STYX: variants seen among roughly 807,000 people sequenced by gnomAD.
STYX encodes the protein serine/threonine/tyrosine-interacting protein.
Under a neutral mutation model 42.7 loss-of-function variants are expected in STYX, and 20 were observed. The ratio of observed to expected loss-of-function variants is 0.47; its 90% confidence interval spans 0.33 to 0.68. STYX has a LOEUF of 0.68. Ranked by LOEUF, STYX falls within the 30% of genes least tolerant of loss-of-function variation. The pLI is 0.02. For synonymous variants in STYX, 78 were observed against 81.9 expected, an observed-to-expected ratio of 0.95 and a Z score of 0.26; for missense variants, 226 against 268.5, an observed-to-expected ratio of 0.84 and a Z score of 1.11.
In STYX at chr14:52,745,970, A is replaced by G. The variant is rs1339661061; in HGVS notation, c.91-456A>G. Reference sequence around the variant, plus strand: ...AACTATAAAGTTACTGTTAGTATCTAGGGTATGATATATCCAGACTGAAAG... The same window carrying G: ...AACTATAAAGTTACTGTTAGTATCTGGGGTATGATATATCCAGACTGAAAG... On this transcript the variant is annotated intron_variant, in intron 2 of 10. Coordinates refer to ENST00000354586, the MANE Select transcript of STYX (RefSeq NM_145251.4). Among the ~76,000 whole-genome samples the G allele has an allele frequency of 2.0e-5, 3 of 152,354 alleles. No individual in the cohort carries two copies. The East Asian group carries it at 5.8e-4, about 29-fold the overall frequency.
rs113230569 is a variant in STYX at position 52,762,110 on chromosome 14, C to T, written c.504+2356C>T. 6.5e-3 allele frequency among the ~76,000 whole-genome samples: 984 copies of T among 151,810 alleles called. 6 individuals are homozygous for T. Among genetic ancestry groups the T allele is most frequent in the African/African-American group, 0.022 (931 of 41,430 alleles). ...GCCCAGGATGGTCTTGAACTCCTGA[C>T]CTCAGGTGATCCACCCACCTTGGCC... On this transcript the variant is annotated intron_variant, in intron 9 of 10. Transcript: ENST00000354586.
intron 9 of STYX, among the ~76,000 whole-genome samples, chr14:52,762,891 T>C (rs1342038175): frequency 1.5e-5 from 2 of 130,890 alleles, no homozygotes; most frequent in South Asian, 2.6e-4. Context: ...TCTTTTTTTT[T>C]TTTTTTTTTT....
In STYX at chr14:52,757,364, C is replaced by T. The variant is rs745704762; in HGVS notation, c.340+9C>T. 1.9e-6 allele frequency: 3 copies of T among 1,598,012 alleles called. No individual in the cohort carries two copies. In the South Asian group the frequency reaches 3.4e-5, roughly 18 times the overall value. On this transcript the variant is annotated intron_variant, in intron 6 of 10. Coordinates refer to ENST00000354586, the MANE Select transcript of STYX (RefSeq NM_145251.4). ...GAGCTTACAAATGGGAGGTAAATAACATTTCCTTTCCTTAACTAATGTTTA... is the reference window on the plus strand; with the variant it reads ...GAGCTTACAAATGGGAGGTAAATAATATTTCCTTTCCTTAACTAATGTTTA...
intron 4 of STYX, among the ~76,000 whole-genome samples, chr14:52,754,191 A>AT (rs1566675782): frequency 6.6e-6 from 1 of 151,662 alleles, no homozygotes. Context: ...CCCGGCCTGA[A>AT]TTTTTTATAA....
chr14:52,739,992 A>T (rs1228830336), intron 1 of STYX, among the ~76,000 whole-genome samples: 1 of 152,026 alleles, frequency 6.6e-6, no homozygotes, highest in Non-Finnish European at 1.5e-5. Context: ...AAGTTAAAGA[A>T]TCTAGGCTGG....
At position 52,768,930 on chromosome 14, in the gene STYX, A is replaced by G; in HGVS notation, c.595A>G (p.Thr199Ala). ...ERSLSVHSGT[T>A]GSLKRTHEEE... ...GTCATTATCTGTTCATTCTGGTACC[A>G]CAGGTAAGGATTTTTTTCTTTTTGG... The change falls in exon 10 of 11, where the codon ACA (threonine) becomes GCA (alanine). Residue 199 changes from threonine (T) to alanine (A), a missense_variant. Transcript: ENST00000354586. 6.4e-7 allele frequency: 1 copy of G among 1,566,476 alleles called. No homozygotes were observed. Among genetic ancestry groups the G allele is most frequent in the Non-Finnish European group, 8.6e-7 (1 of 1,161,020 alleles).
At chr14:52,750,506 T>C (rs1881568089) in intron 3 of STYX, among the ~76,000 whole-genome samples, 177 bp from the exon 4 acceptor site, 1 of 152,212 alleles carries the variant, frequency 6.6e-6, no homozygotes, top group Non-Finnish European at 1.5e-5. Flanking sequence ...TCTTGAATCA[T>C]TGAAATATCT....
chr14:52,737,839 G>T (rs1303427336), intron 1 of STYX, among the ~76,000 whole-genome samples: 2 of 152,140 alleles, frequency 1.3e-5, no homozygotes, highest in Non-Finnish European at 1.5e-5. Context: ...GCAGTGGCAG[G>T]ATCTCAACTC....
chr14:52,757,193 GA>G (rs1361275913), intron 5 of STYX, 125 bp from the exon 6 acceptor site: 7 of 738,974 alleles, frequency 9.5e-6, no homozygotes, highest in Non-Finnish European at 1.2e-5. Context: ...TAGCATTTTG[GA>G]AATTGGTGAA....
chr14:52,757,169 A>T, intron 5 of STYX, 150 bp from the exon 6 acceptor site: 1 of 551,820 alleles, frequency 1.8e-6, no homozygotes, highest in Non-Finnish European at 3.0e-6. Flanking sequence ...TTGGACTTGT[A>T]ATAGTTCTAT....
intron 1 of STYX, among the ~76,000 whole-genome samples, chr14:52,735,248 C>T (rs1880902678): frequency 6.6e-6 from 1 of 152,254 alleles, no homozygotes; most frequent in Middle Eastern, 3.4e-3. Flanking sequence ...TGGGGTCACA[C>T]CTTTATGAGC....
intron 9 of STYX, among the ~76,000 whole-genome samples, chr14:52,764,423 C>T (rs556107282): frequency 1.3e-3 from 194 of 152,188 alleles, no homozygotes; most frequent in African/African-American, 4.6e-3. Flanking sequence ...ATTTTAGATG[C>T]TTTTCCTCAG....
chr14:52,766,539 C>T (rs1222893016), intron 9 of STYX, among the ~76,000 whole-genome samples: 2 of 152,082 alleles, frequency 1.3e-5, no homozygotes, highest in East Asian at 1.9e-4. Context: ...AACTCCTGGG[C>T]TCAAGCGATC....
intron 2 of STYX, among the ~76,000 whole-genome samples, chr14:52,745,442 C>CA (rs1351916616): frequency 2.6e-5 from 4 of 152,258 alleles, no homozygotes; most frequent in Admixed American, 2.6e-4. Context: ...GCCAATGAGT[C>CA]ACTTTCTTTT....
intron 1 of STYX, among the ~76,000 whole-genome samples, chr14:52,731,104 A>C (rs953858633): frequency 6.6e-6 from 1 of 152,234 alleles, no homozygotes; most frequent in Non-Finnish European, 1.5e-5. Context: ...TGAAAGTAAA[A>C]TACTATATAC....
At chr14:52,770,216 A>C (rs959563235) in intron 10 of STYX, among the ~76,000 whole-genome samples, 2 of 152,088 alleles carry the variant, frequency 1.3e-5, no homozygotes, top group Non-Finnish European at 2.9e-5. Context: ...TATCTCATTC[A>C]ATTGTATTGA....
At chr14:52,764,056 G>T (rs549830819) in intron 9 of STYX, among the ~76,000 whole-genome samples, 1 of 151,986 alleles carries the variant, frequency 6.6e-6, no homozygotes, top group Non-Finnish European at 1.5e-5. Context: ...GCAGTGGTGC[G>T]ATCTCGGCTC....
chr14:52,768,827 ATT>A lies in STYX; in HGVS notation c.505-4_505-3del. 1 of 1,420,730 alleles carries A rather than the reference ATT, an allele frequency of 7.0e-7. No individual in the cohort carries two copies. Among genetic ancestry groups the A allele is most frequent in the South Asian group, 1.4e-5 (1 of 71,602 alleles). 88.0% of individuals were successfully genotyped at this position (1,420,730 alleles called of 1,614,324 possible). On this transcript the variant is annotated splice_polypyrimidine_tract_variant and intron_variant, in intron 9 of 10. Transcript: ENST00000354586. ...AATATATAATTAAGTTAATTAACTT[ATT>A]TTTTTTTTAGGAATATGAAGCCATC...
intron 9 of STYX, among the ~76,000 whole-genome samples, chr14:52,762,818 A>G (rs1882144147): frequency 6.7e-6 from 1 of 149,898 alleles, no homozygotes; most frequent in African/African-American, 2.4e-5. Flanking sequence ...ACCAGTTCTC[A>G]GACAACATTC....
Sources: gnomAD v4.1 joint callset for allele counts (sites outside exome capture counted in the v4.1 genomes callset) on GRCh38, gnomAD v4.1.1 for gene constraint, MANE v1.5 for transcripts, NCBI Gene and HGNC (gene_info 2026-07-23, HGNC 2026-07-21) for gene names.